The following CEP63 variants were observed in gnomAD, a reference collection of about 807,000 sequenced individuals.
CEP63 encodes the protein centrosomal protein 63.
A neutral mutation model predicts 89.1 loss-of-function variants in CEP63; 84 were observed. The ratio of observed to expected loss-of-function variants is 0.94; its 90% CI spans 0.79 to 1.13. CEP63 has a LOEUF of 1.13. CEP63 is among the 50% of genes most tolerant of loss of function. The pLI, the probability that CEP63 is intolerant of heterozygous loss-of-function variation, is 0.00. For missense variants in CEP63, 838 were observed against 813.3 expected (o/e 1.03, Z -0.37); for synonymous variants, 267 against 272.5 (o/e 0.98, Z 0.20).
At chr3:134,556,485 G>C (rs552376812) in intron 12 of CEP63, among the ~76,000 whole-genome samples, 93 of 151,878 alleles carry the variant, frequency 6.1e-4, no homozygotes, top group Middle Eastern at 3.4e-3. Flanking sequence ...AGGGAGGGAG[G>C]GAACTTGATA....
At chr3:134,686,909 T>A in the CEP63 span, among the ~76,000 whole-genome samples, 1 of 152,216 alleles carries the variant, frequency 6.6e-6, no homozygotes, top group African/African-American at 2.4e-5. Context: ...ACATCTAGCA[T>A]GGAAGTTTGT....
the CEP63 span, among the ~76,000 whole-genome samples, chr3:134,648,237 G>A: frequency 3.3e-5 from 5 of 152,320 alleles, no homozygotes; most frequent in Admixed American, 6.5e-5. Context: ...AGACCAGCTC[G>A]TTGGTGCTGC....
the CEP63 span, among the ~76,000 whole-genome samples, chr3:134,662,745 C>T: frequency 6.6e-5 from 10 of 152,186 alleles, no homozygotes; most frequent in Non-Finnish European, 2.9e-5. Context: ...TGACAGATAG[C>T]GTCTGGGCTG....
the CEP63 span, among the ~76,000 whole-genome samples, chr3:134,731,793 G>GAAGAC: frequency 6.6e-6 from 1 of 152,140 alleles, no homozygotes; most frequent in Non-Finnish European, 1.5e-5. Context: ...GTAAAGAAGA[G>GAAGAC]AAGACAAGAG....
Position 134,486,105 on chromosome 3 carries a change from T to C in CEP63, c.-123T>C. On this transcript the variant is annotated 5_prime_UTR_variant, in exon 1 of 15. Transcript: ENST00000675561. ...AAGTCTGGAGAAGGCATTGTTTCAA[T>C]TATTAAAAGTGTGGGGGCAGTGGGC... 1.0e-6 allele frequency: 1 copy of C among 985,422 alleles called. No individual in the cohort carries two copies. The allele number at this position is 985,422 out of a possible 1,614,324, so 61.0% of individuals were successfully genotyped here. A position where few individuals can be genotyped will look rare whatever the true frequency, so the allele number is the denominator to read the frequency against.
At chr3:134,680,014 C>T in the CEP63 span, among the ~76,000 whole-genome samples, 1 of 152,156 alleles carries the variant, frequency 6.6e-6, no homozygotes, top group Non-Finnish European at 1.5e-5. Context: ...TGTGAGCCAC[C>T]ATACCTGGCC....
chr3:134,579,104 T>A (rs1958286757), downstream of CEP63, among the ~76,000 whole-genome samples: 1 of 152,232 alleles, frequency 6.6e-6, no homozygotes, highest in Admixed American at 6.5e-5. Context: ...GGTGATGGTG[T>A]TAACACTTGA....
intron 3 of CEP63, among the ~76,000 whole-genome samples, chr3:134,530,204 C>T (rs539394674): frequency 3.3e-4 from 50 of 152,218 alleles, no homozygotes; most frequent in Non-Finnish European, 5.0e-4. Context: ...GTTTTAATAT[C>T]GACTCCCACA....
At chr3:134,720,427 T>C in the CEP63 span, among the ~76,000 whole-genome samples, 10,995 of 152,248 alleles carry the variant, frequency 0.072, 721 homozygotes, top group African/African-American at 0.18. Context: ...TTTCACTTTC[T>C]TAATGATGTC....
At chr3:134,729,709 T>G in the CEP63 span, among the ~76,000 whole-genome samples, 2 of 152,320 alleles carry the variant, frequency 1.3e-5, no homozygotes, top group Non-Finnish European at 2.9e-5. Flanking sequence ...TCAGAGAAAC[T>G]CAGTGAATTG....
chr3:134,575,131 C>A (rs1958168068), downstream of CEP63: 1 of 315,412 alleles, frequency 3.2e-6, no homozygotes, highest in Non-Finnish European at 5.7e-6. Flanking sequence ...TTCCTTCCTT[C>A]CTTCATCCCT....
chr3:134,603,764 G>T, the CEP63 span: 1 of 1,612,494 alleles, frequency 6.2e-7, no homozygotes, highest in Non-Finnish European at 8.5e-7. Flanking sequence ...ATACCATGCA[G>T]CTTCAATTTG....
chr3:134,528,180 A>G lies in CEP63; in HGVS notation c.223-3665A>G, dbSNP rs1419633761. On this transcript the variant is annotated intron_variant, in intron 3 of 14. Coordinates refer to ENST00000675561, the MANE Select transcript of CEP63 (RefSeq NM_001353108.3). ...GTCCAGGTGCGTAGTCGCCTCATGT[A>G]TGGTTCCCAGCTTCCTCCCCCTTCA... Among the ~76,000 whole-genome samples the G allele has an allele frequency of 2.6e-5, 4 of 152,060 alleles. No individual in the cohort carries two copies. In the East Asian group the frequency reaches 7.8e-4, roughly 29 times the overall value.
intron 11 of CEP63, among the ~76,000 whole-genome samples, chr3:134,550,469 T>C (rs1445951563): frequency 3.3e-5 from 5 of 152,146 alleles, no homozygotes; most frequent in Non-Finnish European, 7.4e-5. Flanking sequence ...ATCAGTGGTG[T>C]ATGGTGAGAG....
downstream of CEP63, among the ~76,000 whole-genome samples, chr3:134,569,025 T>C (rs1250804386): frequency 6.6e-6 from 1 of 152,188 alleles, no homozygotes; most frequent in Non-Finnish European, 1.5e-5. Context: ...GAAACTCCCC[T>C]TTTTAAACCA....
intron 12 of CEP63, among the ~76,000 whole-genome samples, chr3:134,555,757 G>C (rs1336422599): frequency 6.6e-6 from 1 of 150,642 alleles, no homozygotes; most frequent in Non-Finnish European, 1.5e-5. Context: ...TTTCTTCACA[G>C]AATTGGAAAA....
At chr3:134,627,638 A>C in the CEP63 span, 4 of 826,954 alleles carry the variant, frequency 4.8e-6, no homozygotes, top group Non-Finnish European at 4.1e-6. Flanking sequence ...CTGAACCCAA[A>C]GGTGGCCCCA....
intron 2 of CEP63, among the ~76,000 whole-genome samples, chr3:134,500,736 C>G (rs1462579137): frequency 6.6e-5 from 10 of 151,916 alleles, no homozygotes; most frequent in Admixed American, 6.6e-4. Flanking sequence ...GGATATTAGC[C>G]CTTTGTTGGA....
At chr3:134,771,798 A>T in the CEP63 span, among the ~76,000 whole-genome samples, 36 of 152,270 alleles carry the variant, frequency 2.4e-4, no homozygotes, top group African/African-American at 6.0e-4. Flanking sequence ...TATTTTTTTT[A>T]AAAAAGGAAA....
Sources: gnomAD v4.1 joint callset for allele counts (sites outside exome capture counted in the v4.1 genomes callset) on GRCh38, gnomAD v4.1.1 for gene constraint, MANE v1.5 for transcripts, NCBI Gene and HGNC (gene_info 2026-07-23, HGNC 2026-07-21) for gene names.